Variants in IMMP2L observed in about 807,000 individuals in gnomAD.
IMMP2L encodes mitochondrial inner membrane protease subunit 2.
IMMP2L carries 18 observed loss-of-function variants against 19.3 expected under a neutral mutation model. The observed-to-expected ratio is 0.93, with a 90% CI of 0.64 to 1.38. The LOEUF (loss-of-function observed/expected upper bound fraction) is 1.38. Among genes scored for constraint, IMMP2L ranks in the 40% most tolerant of loss-of-function variants. IMMP2L has a pLI of 0.00. For synonymous variants in IMMP2L, 76 were observed against 73.0 expected (o/e 1.04, Z -0.21); for missense variants, 233 against 218.2 (o/e 1.07, Z -0.43).
At chr7:111,404,416 T>C (rs535776693) in intron 3 of IMMP2L, among the ~76,000 whole-genome samples, 15 of 152,236 alleles carry the variant, frequency 9.9e-5, no homozygotes, top group South Asian at 2.1e-4. Flanking sequence ...TCAAATGTAA[T>C]AGACACATAA....
In IMMP2L at chr7:111,049,806, C is replaced by T. The variant is rs548378809; in HGVS notation, c.240-86241G>A. On this transcript the variant is annotated intron_variant, in intron 3 of 5. Coordinates refer to ENST00000405709, the MANE Select transcript of IMMP2L (RefSeq NM_032549.4). ...CAGTCAAAAGTTTTGCAGTTCAGCA[C>T]CCACACTGAGGCCATAAAGGGACTG... Among the ~76,000 whole-genome samples the T allele has an allele frequency of 1.3e-5, 2 of 152,202 alleles. 1 individual carries two copies. Among genetic ancestry groups the T allele is most frequent in the South Asian group, 4.1e-4 (2 of 4,836 alleles).
chr7:111,318,173 A>C (rs1356610671), intron 3 of IMMP2L, among the ~76,000 whole-genome samples: 1 of 152,198 alleles, frequency 6.6e-6, no homozygotes, highest in African/African-American at 2.4e-5. Context: ...AAAGTTAAAG[A>C]GTGAAGGAGG....
At chr7:111,229,870 G>A (rs146735212) in intron 3 of IMMP2L, among the ~76,000 whole-genome samples, 2 of 151,948 alleles carry the variant, frequency 1.3e-5, no homozygotes, top group Non-Finnish European at 2.9e-5. Context: ...GAAATGCTCA[G>A]AAAAAAGCCC....
chr7:111,032,328 ATGATAAAC>A (rs1790914047), intron 3 of IMMP2L, among the ~76,000 whole-genome samples: 1 of 152,166 alleles, frequency 6.6e-6, no homozygotes. Context: ...CTACATAAAT[ATGATAAAC>A]TGATCCTTGA....
At chr7:111,332,937 T>C (rs1826020421) in intron 3 of IMMP2L, among the ~76,000 whole-genome samples, 1 of 152,090 alleles carries the variant, frequency 6.6e-6, no homozygotes, top group African/African-American at 2.4e-5. Flanking sequence ...TACTCCACAA[T>C]GGAGGTAAGG....
chr7:111,136,892 C>T (rs1051071027), intron 3 of IMMP2L, among the ~76,000 whole-genome samples: 33 of 152,214 alleles, frequency 2.2e-4, no homozygotes, highest in African/African-American at 6.3e-4. Flanking sequence ...TTTCAGGTAA[C>T]GAACTTTAAG....
intron 4 of IMMP2L, among the ~76,000 whole-genome samples, chr7:110,928,993 C>T (rs1449794860): frequency 2.0e-5 from 3 of 152,116 alleles, no homozygotes; most frequent in Non-Finnish European, 2.9e-5. Flanking sequence ...ATATTGGACA[C>T]CCTGTTGAAA....
At chr7:111,363,077 TTCTC>T (rs746969868) in intron 3 of IMMP2L, among the ~76,000 whole-genome samples, 4 of 152,116 alleles carry the variant, frequency 2.6e-5, no homozygotes, top group Non-Finnish European at 5.9e-5. Context: ...TTTAAATCCC[TTCTC>T]TCTGTCTCTT....
intron 3 of IMMP2L, among the ~76,000 whole-genome samples, chr7:111,473,397 C>G (rs1321025937): frequency 6.6e-6 from 1 of 152,126 alleles, no homozygotes; most frequent in African/African-American, 2.4e-5. Flanking sequence ...TACAAAAGTA[C>G]AGAGCCAGAT....
intron 4 of IMMP2L, 134 bp from the exon 5 acceptor site, chr7:110,886,829 C>A (rs1310800416): frequency 2.1e-6 from 1 of 487,448 alleles, no homozygotes; most frequent in East Asian, 3.2e-5. Flanking sequence ...TCCATAATTT[C>A]ATTTTTAAGG....
rs556517494 is a variant in IMMP2L at position 111,166,708 on chromosome 7, C to T, written c.240-203143G>A. Among the ~76,000 whole-genome samples, 4 of 152,136 alleles carry T rather than the reference C, an allele frequency of 2.6e-5. No individual in the cohort carries two copies. In the East Asian group the frequency reaches 7.8e-4, roughly 30 times the overall value. On this transcript the variant is annotated intron_variant, in intron 3 of 5. Coordinates refer to ENST00000405709, the MANE Select transcript of IMMP2L (RefSeq NM_032549.4). Reference sequence around the variant, plus strand: ...TCAAGGTGTCATCGGGCTACATTTCCTCCAAAGTCTCTGGGGAAGAATTCT... The same window carrying T: ...TCAAGGTGTCATCGGGCTACATTTCTTCCAAAGTCTCTGGGGAAGAATTCT...
At chr7:111,264,871 G>T (rs1817670736) in intron 3 of IMMP2L, among the ~76,000 whole-genome samples, 2 of 152,048 alleles carry the variant, frequency 1.3e-5, no homozygotes, top group South Asian at 4.2e-4. Context: ...ATGATATGCT[G>T]TAGGGCAGGA....
chr7:111,231,967 C>G (rs1813766924), intron 3 of IMMP2L, among the ~76,000 whole-genome samples: 2 of 151,892 alleles, frequency 1.3e-5, no homozygotes, highest in Non-Finnish European at 2.9e-5. Flanking sequence ...AACTGGAAAA[C>G]AGGAAAGGAG....
At chr7:110,908,345 T>C (rs1279920277) in intron 4 of IMMP2L, among the ~76,000 whole-genome samples, 2 of 152,182 alleles carry the variant, frequency 1.3e-5, no homozygotes, top group African/African-American at 4.8e-5. Flanking sequence ...AATAACTCTT[T>C]GAACATCTTT....
At chr7:110,957,071 C>A (rs1304660051) in intron 4 of IMMP2L, among the ~76,000 whole-genome samples, 1 of 151,736 alleles carries the variant, frequency 6.6e-6, no homozygotes, top group East Asian at 1.9e-4. Flanking sequence ...ATAAGCATAC[C>A]CATTTGGGTC....
intron 5 of IMMP2L, among the ~76,000 whole-genome samples, chr7:110,750,724 C>A (rs1797666161): frequency 6.6e-6 from 1 of 151,956 alleles, no homozygotes. Context: ...TAATGCTTCC[C>A]AAATACTGTA....
At chr7:111,042,906 A>C (rs530668096) in intron 3 of IMMP2L, among the ~76,000 whole-genome samples, 1 of 152,354 alleles carries the variant, frequency 6.6e-6, no homozygotes, top group African/African-American at 2.4e-5. Context: ...TGTCTTGTTC[A>C]CTGTAACCCA....
chr7:111,018,787 TTTATTATTATTATTATTATTA>T lies in IMMP2L; in HGVS notation c.240-55243_240-55223del, dbSNP rs61180550. ...CTAACCACTGGAAATTGTGTGTCTT[TTTATTATTATTATTATTATTA>T]TTATTATTATTATTATTATTATTAT... On this transcript the variant is annotated intron_variant, in intron 3 of 5. Transcript: ENST00000405709. Among the ~76,000 whole-genome samples the T allele has an allele frequency of 6.2e-3, 873 of 141,488 alleles. 12 individuals are homozygous for T. Among genetic ancestry groups the T allele is most frequent in the Middle Eastern group, 0.025 (7 of 278 alleles). The allele number at this position is 141,488 out of a possible 152,430, so 92.8% of individuals were successfully genotyped here.
At chr7:111,384,304 G>C (rs1014799045) in intron 3 of IMMP2L, among the ~76,000 whole-genome samples, 1 of 148,158 alleles carries the variant, frequency 6.7e-6, no homozygotes, top group South Asian at 2.1e-4. Flanking sequence ...GAGAAAGGAG[G>C]AGGAGGGAAA....
Sources: allele counts gnomAD v4.1 joint callset (sites outside exome capture counted in the v4.1 genomes callset), GRCh38; gene constraint gnomAD v4.1.1; transcripts MANE v1.5; gene names NCBI Gene and HGNC (gene_info 2026-07-23, HGNC 2026-07-21).